The following PRKACB variants were observed in gnomAD, a reference collection of about 807,000 sequenced individuals.
The protein encoded by PRKACB is cAMP-dependent protein kinase catalytic subunit beta.
A neutral mutation model predicts 51.4 loss-of-function variants in PRKACB; 16 were observed. The ratio of observed to expected loss-of-function variants is 0.31; its 90% confidence interval spans 0.21 to 0.47. PRKACB has a LOEUF of 0.47. PRKACB is among the 20% of genes least tolerant of loss of function. The probability of loss-of-function intolerance (pLI) is 1.00; values close to 1 mark genes in which losing one functional copy is unlikely to be tolerated. For missense variants in PRKACB, 309 were observed against 464.5 expected, an observed-to-expected ratio of 0.67 and a Z score of 3.08; for synonymous variants, 147 against 154.4, an observed-to-expected ratio of 0.95 and a Z score of 0.35.
intron 9 of PRKACB, among the ~76,000 whole-genome samples, chr1:84,224,478 C>G (rs1470875034): frequency 6.6e-6 from 1 of 152,152 alleles, no homozygotes; most frequent in Non-Finnish European, 1.5e-5. Flanking sequence ...CAAGCCAGAC[C>G]CTAAACCCTC....
chr1:84,114,385 GGTT>G (rs963049885), intron 1 of PRKACB, among the ~76,000 whole-genome samples: 9 of 152,086 alleles, frequency 5.9e-5, no homozygotes, highest in African/African-American at 1.9e-4. Flanking sequence ...TCAGAACAGT[GGTT>G]GTTTCTAAGG....
intron 9 of PRKACB, among the ~76,000 whole-genome samples, chr1:84,219,258 C>G (rs951405674): frequency 1.1e-4 from 16 of 147,646 alleles, no homozygotes; most frequent in African/African-American, 4.0e-4. Context: ...GAGTTTCGCT[C>G]TTGTTGCCCA....
intron 1 of PRKACB, among the ~76,000 whole-genome samples, chr1:84,147,012 C>T (rs954711437): frequency 1.4e-4 from 22 of 151,926 alleles, no homozygotes; most frequent in African/African-American, 4.3e-4. Context: ...CATTGACATG[C>T]GTTAAGTTCT....
rs370924982 is a variant in PRKACB at position 84,094,401 on chromosome 1, A to G, written c.46+16030A>G. On this transcript the variant is annotated intron_variant, in intron 1 of 8. Transcript: ENST00000370688. The stretch of plus-strand genomic sequence containing the variant: ...CTGGTTGCAATATATTGTCCATTTC[A>G]TATCCTTTTTTAATGTAATAGTGAA... Among the ~76,000 whole-genome samples the G allele has an allele frequency of 1.6e-4, 24 of 152,054 alleles. No individual in the cohort carries two copies. The South Asian group carries it at 3.9e-3, about 25-fold the overall frequency.
intron 8 of PRKACB, chr1:84,204,478 G>A: frequency 6.3e-7 from 1 of 1,585,580 alleles, no homozygotes; most frequent in Non-Finnish European, 8.7e-7. Flanking sequence ...TTTTCTCCCA[G>A]CAGAACTTTT....
chr1:84,144,965 T>C (rs1470641729), intron 1 of PRKACB, among the ~76,000 whole-genome samples: 1 of 152,162 alleles, frequency 6.6e-6, no homozygotes, highest in Admixed American at 6.5e-5. Flanking sequence ...ATTTCTATTG[T>C]GTTTGCCATG....
At chr1:84,203,949 C>G (rs1386872247) in intron 8 of PRKACB, among the ~76,000 whole-genome samples, 2 of 151,964 alleles carry the variant, frequency 1.3e-5, no homozygotes, top group Admixed American at 6.6e-5. Flanking sequence ...CCCTTGGCAT[C>G]TATCAACTTA....
intron 1 of PRKACB, among the ~76,000 whole-genome samples, chr1:84,124,197 A>G (rs1475307157): frequency 1.3e-5 from 2 of 152,234 alleles, no homozygotes; most frequent in Non-Finnish European, 2.9e-5. Flanking sequence ...AAGTATAAAC[A>G]TGCAATTACT....
At chr1:84,147,162 C>A (rs981203261) in intron 1 of PRKACB, among the ~76,000 whole-genome samples, 1 of 151,948 alleles carries the variant, frequency 6.6e-6, no homozygotes, top group African/African-American at 2.4e-5. Flanking sequence ...AATACTTTTT[C>A]TTTCCCTTTT....
intron 2 of PRKACB, among the ~76,000 whole-genome samples, chr1:84,180,708 A>G (rs189282380): frequency 3.9e-4 from 59 of 152,202 alleles, no homozygotes; most frequent in African/African-American, 1.3e-3. Flanking sequence ...TGCCATTACT[A>G]TCAAGATTTA....
At chr1:84,120,197 C>A (rs2100880663) in intron 1 of PRKACB, among the ~76,000 whole-genome samples, 1 of 152,070 alleles carries the variant, frequency 6.6e-6, no homozygotes, top group Admixed American at 6.6e-5. Flanking sequence ...AGAGTACTTC[C>A]AAGGGTATTA....
intron 3 of PRKACB, among the ~76,000 whole-genome samples, chr1:84,182,757 T>C (rs1663915351): frequency 6.8e-6 from 1 of 146,014 alleles, no homozygotes; most frequent in Admixed American, 7.0e-5. Context: ...TCTGTCATTT[T>C]ATATAAGGGA....
Position 84,091,860 on chromosome 1 carries a change from A to G in PRKACB, c.46+13489A>G, listed in dbSNP as rs1230957475. ...GAAATAAACACGTTAATGACTTCTT[A>G]TCTTTAATCTTTATTGTACTCAGGG... On this transcript the variant is annotated intron_variant, in intron 1 of 8. Coordinates refer to the PRKACB transcript ENST00000370688. 2.6e-5 allele frequency among the ~76,000 whole-genome samples: 4 copies of G among 152,272 alleles called. No homozygotes were observed. The East Asian group carries it at 7.7e-4, about 29-fold the overall frequency.
chr1:84,194,689 G>GCT (rs1321669714), intron 5 of PRKACB, among the ~76,000 whole-genome samples: 1 of 152,134 alleles, frequency 6.6e-6, no homozygotes, highest in African/African-American at 2.4e-5. Flanking sequence ...ACTTTTGGAG[G>GCT]CTCAGGCAGG....
chr1:84,197,390 G>A (rs1263148479), intron 6 of PRKACB, among the ~76,000 whole-genome samples: 3 of 152,134 alleles, frequency 2.0e-5, no homozygotes, highest in Non-Finnish European at 4.4e-5. Flanking sequence ...GGGTAAGGCA[G>A]ACATTTAGCA....
chr1:84,128,820 G>A (rs150102635), intron 1 of PRKACB, among the ~76,000 whole-genome samples: 355 of 152,282 alleles, frequency 2.3e-3, no homozygotes, highest in African/African-American at 8.0e-3. Flanking sequence ...TTTTGCCCAT[G>A]TAATTTTCTG....
At chr1:84,228,174 A>G (rs1200545069) in intron 9 of PRKACB, among the ~76,000 whole-genome samples, 2 of 152,224 alleles carry the variant, frequency 1.3e-5, no homozygotes, top group East Asian at 1.9e-4. Context: ...TTCTTTTTCA[A>G]TACCTTATTT....
intron 1 of PRKACB, among the ~76,000 whole-genome samples, chr1:84,125,923 G>A (rs1250797291): frequency 5.3e-5 from 8 of 152,068 alleles, no homozygotes; most frequent in African/African-American, 1.2e-4. Flanking sequence ...ACCCCTTCGC[G>A]GGACTCACAA....
chr1:84,105,735 C>T (rs1649689217), intron 1 of PRKACB, among the ~76,000 whole-genome samples: 1 of 151,986 alleles, frequency 6.6e-6, no homozygotes, highest in Non-Finnish European at 1.5e-5. Context: ...GCCACCACAG[C>T]CCAGCTAATT....
Sources: gnomAD v4.1 joint callset for allele counts (sites outside exome capture counted in the v4.1 genomes callset) on GRCh38, gnomAD v4.1.1 for gene constraint, MANE v1.5 for transcripts, NCBI Gene and HGNC (gene_info 2026-07-23, HGNC 2026-07-21) for gene names.